RGS6: variants seen among roughly 807,000 people sequenced by gnomAD.
RGS6 encodes regulator of G protein signaling 6, also known as regulator of G-protein signaling 6.
In RGS6, 30 loss-of-function variants were observed where a neutral mutation model predicts 78.5. The observed-to-expected ratio is 0.38, with a 90% CI of 0.29 to 0.52. The LOEUF (loss-of-function observed/expected upper bound fraction) is 0.52. Among genes scored for constraint, RGS6 ranks in the 20% least tolerant of loss-of-function variants. The pLI, the probability that RGS6 is intolerant of heterozygous loss-of-function variation, is 0.85. For synonymous variants in RGS6, 206 were observed against 206.0 expected, an observed-to-expected ratio of 1.00 and a Z score of 0.00; for missense variants, 495 against 609.7, an observed-to-expected ratio of 0.81 and a Z score of 1.98.
At chr14:72,301,814 A>G (rs986297214) in intron 2 of RGS6, among the ~76,000 whole-genome samples, 7 of 152,094 alleles carry the variant, frequency 4.6e-5, no homozygotes, top group Admixed American at 4.6e-4. Context: ...TACCTGTTGT[A>G]TGTCTCCAAG....
intron 3 of RGS6, among the ~76,000 whole-genome samples, chr14:72,391,470 C>T (rs190478570): frequency 3.3e-5 from 5 of 152,274 alleles, no homozygotes; most frequent in Admixed American, 6.5e-5. Context: ...GGGCTTTCCC[C>T]GCAGTGACAG....
chr14:72,619,583 G>A, the RGS6 span, among the ~76,000 whole-genome samples: 2 of 152,172 alleles, frequency 1.3e-5, no homozygotes, highest in Admixed American at 6.5e-5. Flanking sequence ...CACTACTAGC[G>A]TCATGCCTCC....
intron 1 of RGS6, among the ~76,000 whole-genome samples, chr14:71,958,057 A>T (rs972435522): frequency 2.0e-5 from 3 of 152,038 alleles, no homozygotes; most frequent in African/African-American, 7.2e-5. Flanking sequence ...TAATTTAATT[A>T]GTTTAGCCTG....
chr14:72,401,094 C>T (rs1050892561), intron 3 of RGS6, among the ~76,000 whole-genome samples: 2 of 151,970 alleles, frequency 1.3e-5, no homozygotes, highest in Non-Finnish European at 2.9e-5. Context: ...TTTTTTTAGG[C>T]ATTGCTAAGT....
intron 2 of RGS6, among the ~76,000 whole-genome samples, chr14:72,189,310 C>G (rs2097292818): frequency 6.6e-6 from 1 of 152,138 alleles, no homozygotes; most frequent in Non-Finnish European, 1.5e-5. Context: ...TATGTTAGGC[C>G]TTGTCCTGGT....
intron 1 of RGS6, among the ~76,000 whole-genome samples, chr14:71,952,365 T>C (rs17768243): frequency 0.15 from 22,953 of 152,156 alleles, 1,882 homozygotes; most frequent in Non-Finnish European, 0.17. Context: ...CTTAAAGCCA[T>C]AATTGCACAG....
At chr14:72,442,369 A>G (rs2283381) in intron 3 of RGS6, among the ~76,000 whole-genome samples, 31,763 of 151,914 alleles carry the variant, frequency 0.21, 3,729 homozygotes, top group Admixed American at 0.27. Flanking sequence ...CCACTGCTCA[A>G]TCAATCTCTT....
At chr14:72,460,527 CA>C (rs2095751109) in intron 6 of RGS6, among the ~76,000 whole-genome samples, 1 of 152,208 alleles carries the variant, frequency 6.6e-6, no homozygotes, top group South Asian at 2.1e-4. Context: ...AGGTGACCAA[CA>C]GACACTCACT....
chr14:72,155,369 C>T (rs2096755557), intron 2 of RGS6, among the ~76,000 whole-genome samples: 1 of 152,210 alleles, frequency 6.6e-6, no homozygotes, highest in African/African-American at 2.4e-5. Context: ...GGGCTTGTTA[C>T]CTGGAATCAA....
intron 2 of RGS6, among the ~76,000 whole-genome samples, chr14:72,288,886 G>A (rs1361665679): frequency 6.6e-6 from 1 of 152,170 alleles, no homozygotes; most frequent in Non-Finnish European, 1.5e-5. Context: ...CTCACTCTGA[G>A]TACCTGAACC....
At chr14:71,916,868 A>G in the RGS6 span, among the ~76,000 whole-genome samples, 2 of 152,328 alleles carry the variant, frequency 1.3e-5, no homozygotes, top group African/African-American at 4.8e-5. Context: ...CCCTGGATGC[A>G]TGGCCTGGGA....
chr14:72,242,602 G>A (rs531352066), intron 2 of RGS6, among the ~76,000 whole-genome samples: 1 of 151,986 alleles, frequency 6.6e-6, no homozygotes, highest in African/African-American at 2.4e-5. Context: ...TTTTTGACAG[G>A]TAAATTACCA....
intron 2 of RGS6, among the ~76,000 whole-genome samples, chr14:72,271,160 T>A (rs1043733870): frequency 3.9e-5 from 6 of 152,200 alleles, no homozygotes; most frequent in Admixed American, 3.3e-4. Context: ...TGTATTAATC[T>A]GTTCTCATGC....
At chr14:71,957,694 C>T (rs1469341119) in intron 1 of RGS6, among the ~76,000 whole-genome samples, 1 of 152,160 alleles carries the variant, frequency 6.6e-6, no homozygotes, top group Non-Finnish European at 1.5e-5. Flanking sequence ...TGCCCTGTTA[C>T]ATGGCTATCT....
rs114286134 is a variant in RGS6 at position 72,298,240 on chromosome 14, C to T, written c.85-53855C>T. On this transcript the variant is annotated intron_variant, in intron 2 of 17. Transcript: ENST00000553525. ...TTTAGATGGCCATTTGGTTTTTCTCCTTTTAATCTATTAATATGTTGAATT... is the reference window on the plus strand; with the variant it reads ...TTTAGATGGCCATTTGGTTTTTCTCTTTTTAATCTATTAATATGTTGAATT... 3.9e-3 allele frequency among the ~76,000 whole-genome samples: 596 copies of T among 151,772 alleles called. 5 individuals carry two copies. Among genetic ancestry groups the T allele is most frequent in the African/African-American group, 0.014 (581 of 41,404 alleles).
chr14:72,460,753 A>G (rs1244536698), intron 6 of RGS6, among the ~76,000 whole-genome samples: 1 of 152,116 alleles, frequency 6.6e-6, no homozygotes. Context: ...GAATTGTTTA[A>G]GACAAGAAGG....
At position 72,303,950 on chromosome 14, in the gene RGS6, A is replaced by G. The variant is rs78768546; in HGVS notation, c.85-48145A>G. ...CTACTTCTACCAGATATTCCCCCCAACCTTCCCAAAGAGAAAGGCTCCCTA... is the reference window on the plus strand; with the variant it reads ...CTACTTCTACCAGATATTCCCCCCAGCCTTCCCAAAGAGAAAGGCTCCCTA... On this transcript the variant is annotated intron_variant, in intron 2 of 17. Transcript: ENST00000553525. 8.2e-3 allele frequency among the ~76,000 whole-genome samples: 1,248 copies of G among 152,082 alleles called. 63 individuals carry two copies. The highest frequency in any genetic ancestry group is 0.056 in the Admixed American group (856 of 15,284).
intron 2 of RGS6, among the ~76,000 whole-genome samples, chr14:72,127,306 T>C (rs745843735): frequency 5.3e-5 from 8 of 152,242 alleles, no homozygotes; most frequent in Non-Finnish European, 1.0e-4. Flanking sequence ...TTGTTACCTT[T>C]ACTCTGAAAT....
chr14:71,888,800 A>G, the RGS6 span, among the ~76,000 whole-genome samples: 1 of 152,218 alleles, frequency 6.6e-6, no homozygotes, highest in Non-Finnish European at 1.5e-5. Flanking sequence ...CTGACTCAAT[A>G]TATCTTCTCC....
Sources: gnomAD v4.1 joint callset for allele counts (sites outside exome capture counted in the v4.1 genomes callset) on GRCh38, gnomAD v4.1.1 for gene constraint, MANE v1.5 for transcripts, NCBI Gene and HGNC (gene_info 2026-07-23, HGNC 2026-07-21) for gene names.